Variants in RANBP2 observed in about 807,000 individuals in gnomAD.
RANBP2 encodes the protein E3 SUMO-protein ligase RanBP2.
RANBP2 carries 57 observed loss-of-function variants against 303.6 expected under a neutral mutation model. The ratio of observed to expected loss-of-function variants is 0.19; its 90% CI spans 0.15 to 0.23. The LOEUF (loss-of-function observed/expected upper bound fraction) is 0.23, where lower values mean the gene tolerates loss of function less well. Ranked by LOEUF, RANBP2 falls within the 10% of genes least tolerant of loss-of-function variation. The pLI is 1.00. For synonymous variants in RANBP2, 1,167 were observed against 1,301.5 expected (o/e 0.90, Z 2.23); for missense variants, 3,138 against 3,780.8 (o/e 0.83, Z 4.46).
At chr2:109,442,334 T>C in the RANBP2 span, among the ~76,000 whole-genome samples, 17 of 137,456 alleles carry the variant, frequency 1.2e-4, no homozygotes, top group East Asian at 3.2e-3. Flanking sequence ...AAAGAAAAAA[T>C]CCACACTATT....
the RANBP2 span, among the ~76,000 whole-genome samples, chr2:109,085,045 C>T: frequency 6.6e-6 from 1 of 152,154 alleles, no homozygotes; most frequent in Non-Finnish European, 1.5e-5. Flanking sequence ...AATCATCTGC[C>T]TGTATTGCTG....
chr2:109,442,310 CAAAAAAAA>C, the RANBP2 span, among the ~76,000 whole-genome samples: 3 of 75,918 alleles, frequency 4.0e-5, no homozygotes, highest in South Asian at 4.5e-4. Flanking sequence ...GACTCCACCT[CAAAAAAAA>C]AAAAAAAAGA....
At chr2:109,378,140 T>G in the RANBP2 span, among the ~76,000 whole-genome samples, 4,929 of 152,260 alleles carry the variant, frequency 0.032, 189 homozygotes, top group African/African-American at 0.086. Flanking sequence ...GTATCCCAGG[T>G]GCTGAACTGA....
chr2:108,775,674 ATC>A, intron 23 of RANBP2, 56 bp from the exon 24 acceptor site: 1 of 1,561,360 alleles, frequency 6.4e-7, no homozygotes, highest in Non-Finnish European at 8.8e-7. Context: ...AGATTATATA[ATC>A]TGTTTTGTAA....
chr2:109,435,747 AT>A, the RANBP2 span, among the ~76,000 whole-genome samples: 7 of 152,238 alleles, frequency 4.6e-5, no homozygotes, highest in East Asian at 1.3e-3. Flanking sequence ...GTGACTCATC[AT>A]TTGTGAGCCC....
chr2:109,362,091 A>C, the RANBP2 span, among the ~76,000 whole-genome samples: 8 of 151,086 alleles, frequency 5.3e-5, no homozygotes, highest in East Asian at 9.7e-4. Context: ...TATTTCTTTT[A>C]TTTTATTTAT....
chr2:108,990,722 T>A, the RANBP2 span, among the ~76,000 whole-genome samples: 2 of 152,248 alleles, frequency 1.3e-5, no homozygotes, highest in Non-Finnish European at 2.9e-5. Context: ...CTTAGCTGAC[T>A]TGATCCTTGT....
At chr2:109,066,031 G>A in the RANBP2 span, among the ~76,000 whole-genome samples, 5 of 152,190 alleles carry the variant, frequency 3.3e-5, no homozygotes, top group East Asian at 5.8e-4. Flanking sequence ...TCTGCCTCCC[G>A]GATTCAAGCA....
At chr2:108,846,780 A>G in the RANBP2 span, 1 of 1,613,084 alleles carries the variant, frequency 6.2e-7, no homozygotes, top group Non-Finnish European at 8.5e-7. Flanking sequence ...GGGTGAAGAC[A>G]TTTTTAAAGG....
the RANBP2 span, among the ~76,000 whole-genome samples, chr2:109,297,322 ACC>A: frequency 6.6e-6 from 1 of 152,030 alleles, no homozygotes; most frequent in African/African-American, 2.4e-5. Context: ...CTTCGATGAG[ACC>A]CTTTGCTCAG....
At chr2:109,735,753 C>T in the RANBP2 span, among the ~76,000 whole-genome samples, 1 of 152,076 alleles carries the variant, frequency 6.6e-6, no homozygotes, top group Non-Finnish European at 1.5e-5. Context: ...AAACTCAAGC[C>T]ACAAACTTAT....
At chr2:108,996,301 C>G in the RANBP2 span, among the ~76,000 whole-genome samples, 1 of 152,156 alleles carries the variant, frequency 6.6e-6, no homozygotes. Flanking sequence ...ATCTTTACAC[C>G]CCAGGTGCAG....
the RANBP2 span, among the ~76,000 whole-genome samples, chr2:108,876,817 A>G: frequency 6.6e-6 from 1 of 152,194 alleles, no homozygotes; most frequent in Non-Finnish European, 1.5e-5. Flanking sequence ...TTACTGGAGC[A>G]TGTATATACA....
chr2:109,119,864 G>T, the RANBP2 span, among the ~76,000 whole-genome samples: 1 of 152,190 alleles, frequency 6.6e-6, no homozygotes, highest in Non-Finnish European at 1.5e-5. Flanking sequence ...AGAGTAAAAT[G>T]TACATTGCTT....
the RANBP2 span, among the ~76,000 whole-genome samples, chr2:109,278,029 A>T: frequency 1.3e-5 from 2 of 151,032 alleles, no homozygotes; most frequent in Admixed American, 1.3e-4. Flanking sequence ...AAAAAAAAAA[A>T]AGCCAGGCAT....
chr2:109,522,593 C>T, the RANBP2 span, among the ~76,000 whole-genome samples: 7 of 106,338 alleles, frequency 6.6e-5, no homozygotes, highest in Admixed American at 1.2e-4. Flanking sequence ...CATGAGACAC[C>T]GTGCCCAGCC....
chr2:108,995,900 TG>T, the RANBP2 span, among the ~76,000 whole-genome samples: 3 of 152,180 alleles, frequency 2.0e-5, no homozygotes, highest in South Asian at 6.2e-4. Context: ...GCCTCATTCA[TG>T]GGAAAGAATA....
intron 18 of RANBP2, among the ~76,000 whole-genome samples, chr2:108,760,347 T>A (rs1441237682): frequency 2.6e-5 from 4 of 152,266 alleles, no homozygotes; most frequent in African/African-American, 9.6e-5. Flanking sequence ...GTTTTTTAAA[T>A]GTTACTTTAG....
the RANBP2 span, among the ~76,000 whole-genome samples, chr2:108,869,824 A>G: frequency 8.7e-4 from 132 of 152,296 alleles, no homozygotes; most frequent in African/African-American, 3.1e-3. Context: ...CTTTCATGTC[A>G]GTCTTCAAAG....
Sources: gnomAD v4.1 joint callset for allele counts (sites outside exome capture counted in the v4.1 genomes callset) on GRCh38, gnomAD v4.1.1 for gene constraint, MANE v1.5 for transcripts, NCBI Gene and HGNC (gene_info 2026-07-23, HGNC 2026-07-21) for gene names.